Variants in PLEKHG6 observed in about 807,000 individuals in gnomAD.
PLEKHG6 encodes the protein pleckstrin homology and RhoGEF domain containing G6, also known as pleckstrin homology domain-containing family G member 6.
Under a neutral mutation model 97.5 loss-of-function variants are expected in PLEKHG6, and 91 were observed. The observed-to-expected ratio is 0.93, with a 90% CI of 0.79 to 1.11. The LOEUF is 1.11. Ranked by LOEUF, PLEKHG6 falls within the 50% of genes most tolerant of loss-of-function variation. The pLI is 0.00. For synonymous variants in PLEKHG6, 466 were observed against 425.5 expected, an observed-to-expected ratio of 1.10 and a Z score of -1.17; for missense variants, 1,044 against 1,031.0, an observed-to-expected ratio of 1.01 and a Z score of -0.17.
At chr12:6,312,654 A>C (rs905147350) in intron 2 of PLEKHG6, 1 of 1,227,602 alleles carries the variant, frequency 8.1e-7, no homozygotes, top group Non-Finnish European at 1.0e-6. Context: ...TAAGGTCATC[A>C]AACCCCAGAG....
At chr12:6,321,561 G>A (rs541318592) in intron 13 of PLEKHG6, among the ~76,000 whole-genome samples, 22 of 152,140 alleles carry the variant, frequency 1.4e-4, no homozygotes, top group African/African-American at 4.3e-4. Context: ...GGAAGAGGCC[G>A]GGCGCGGTGG....
rs1947301832 is a variant in PLEKHG6 at position 6,312,369 on chromosome 12, G to A, written c.138+5G>A. 2 of 1,575,378 alleles carry A rather than the reference G, an allele frequency of 1.3e-6. No individual in the cohort carries two copies. The highest frequency in any genetic ancestry group is 1.2e-5 in the South Asian group (1 of 84,734). ...CCCCGAGGATACCCTGTGCTGGTGA[G>A]TCCAGGCTGTGCCCCAAAAGTGACC... is the stretch of plus-strand genomic sequence containing the variant. On this transcript the variant is annotated splice_donor_5th_base_variant and intron_variant, in intron 2 of 15. Transcript: ENST00000684764.
At position 6,311,511 on chromosome 12, in the gene PLEKHG6, A is replaced by C. The variant is rs536853668; in HGVS notation, c.-68-648A>C. Among the ~76,000 whole-genome samples the C allele has an allele frequency of 2.8e-4, 43 of 152,356 alleles. No individual in the cohort carries two copies. The South Asian group carries it at 8.9e-3, about 32-fold the overall frequency. On this transcript the variant is annotated intron_variant, in intron 1 of 15. Transcript: ENST00000684764. ...CCGTCTGTCCCAACTAGCAAGAAGCAGTCACAGGTTATTAGGAGACCAGCA... is the reference window on the plus strand; with the variant it reads ...CCGTCTGTCCCAACTAGCAAGAAGCCGTCACAGGTTATTAGGAGACCAGCA...
chr12:6,328,473 A>G lies in PLEKHG6; in HGVS notation c.*328A>G, dbSNP rs4149649. The G allele has an allele frequency of 3.5e-4, 93 of 267,554 alleles. No homozygotes were observed. Among genetic ancestry groups the G allele is most frequent in the African/African-American group, 2.0e-3 (91 of 44,602 alleles). The allele number at this position is 267,554 out of a possible 1,614,324, so 16.6% of individuals were successfully genotyped here. ...AGACCAGCCTGGGCAATATAGGGAA[A>G]CCCTGTCTTTACAAAAAAAAATTTT... On this transcript the variant is annotated 3_prime_UTR_variant, in exon 16 of 16. Coordinates refer to ENST00000684764, the MANE Select transcript of PLEKHG6 (RefSeq NM_001384598.1).
At chr12:6,318,488 G>C in intron 11 of PLEKHG6, 68 bp downstream of exon 11, 1 of 1,522,930 alleles carries the variant, frequency 6.6e-7, no homozygotes, top group Non-Finnish European at 8.8e-7. Flanking sequence ...CAGAAACGCC[G>C]GAAGTGGGAG....
intron 13 of PLEKHG6, among the ~76,000 whole-genome samples, chr12:6,320,243 G>A (rs549153177): frequency 2.0e-5 from 3 of 152,216 alleles, no homozygotes; most frequent in East Asian, 3.9e-4. Context: ...TGAAGGAGTC[G>A]GGCAGGGGAG....
chr12:6,312,924 A>G (rs1947324185), intron 2 of PLEKHG6: 16 of 1,396,840 alleles, frequency 1.1e-5, no homozygotes, highest in South Asian at 7.7e-5. Flanking sequence ...CACCTTGAGG[A>G]CAGTTCTGCT....
chr12:6,326,510 A>G lies in PLEKHG6; in HGVS notation c.1607A>G (p.Glu536Gly). The change falls in exon 14 of 16, where the codon GAG becomes GGG. Residue 536 changes from glutamate (E) to glycine (G), a missense_variant. Coordinates refer to ENST00000684764, the MANE Select transcript of PLEKHG6 (RefSeq NM_001384598.1). ...ACCCTCTATCGGGACCAGGACAGGG[A>G]GTCCCCCAGCACCAGGCCCTCCACG... ...LLTLYRDQDR[E>G]SPSTRPSTPS... 1.2e-6 allele frequency: 2 copies of G among 1,602,442 alleles called. No homozygotes were observed. Among genetic ancestry groups the G allele is most frequent in the Non-Finnish European group, 1.7e-6 (2 of 1,175,634 alleles).
intron 7 of PLEKHG6, 45 bp from the exon 8 acceptor site, chr12:6,317,258 C>T (rs1398261669): frequency 1.6e-6 from 2 of 1,274,882 alleles, no homozygotes; most frequent in African/African-American, 2.9e-5. Flanking sequence ...TATTCATGGC[C>T]TTCTCCCCAT....
chr12:6,322,684 C>T (rs192437305), intron 13 of PLEKHG6, among the ~76,000 whole-genome samples: 4 of 152,280 alleles, frequency 2.6e-5, no homozygotes. Flanking sequence ...GTTCAAGACC[C>T]AGCCTGGCCA....
intron 2 of PLEKHG6, 195 bp downstream of exon 2, chr12:6,312,559 G>A: frequency 8.4e-7 from 1 of 1,191,316 alleles, no homozygotes; most frequent in Non-Finnish European, 1.1e-6. Context: ...CCCAGTCCCA[G>A]CAGCTGGGCA....
At position 6,318,322 on chromosome 12, in the gene PLEKHG6, C is replaced by T; in HGVS notation, c.1177C>T (p.Leu393=). 18 of 1,614,136 alleles carry T rather than the reference C, an allele frequency of 1.1e-5. No individual in the cohort carries two copies. The highest frequency in any genetic ancestry group is 2.2e-5 in the South Asian group (2 of 91,084). Residue 393 remains leucine (L), a synonymous_variant, in exon 11 of 16, where the codon CTG becomes TTG. Transcript: ENST00000684764. The stretch of plus-strand genomic sequence containing the variant: ...TCAGAACCTGCGCCCATTCTCCACC[C>T]TGGACCTGACGTCCCCCATGCTGGG... The part of the protein sequence containing the change: ...VEKNLRPFST[L]DLTSPMLGVA...
intron 14 of PLEKHG6, 31 bp downstream of exon 14, chr12:6,326,604 C>T (rs766282608): frequency 2.7e-5 from 38 of 1,424,826 alleles, no homozygotes; most frequent in Admixed American, 1.4e-4. Flanking sequence ...AAGGTCTCCC[C>T]GAGCAGGAGG....
Position 6,316,438 on chromosome 12 carries a change from C to T in PLEKHG6, c.756+34C>T, listed in dbSNP as rs961246353. ...TGTGAAGGGCTGTGTCTGGATGGGG[C>T]AGGACTCGGAGCCCTCGGGGGTCCT... is the stretch of plus-strand genomic sequence containing the variant. On this transcript the variant is annotated intron_variant, in intron 7 of 15. Transcript: ENST00000684764. The surrounding 1 kb of genome is among the most constrained non-coding windows in gnomAD (Gnocchi z 4.1). The T allele has an allele frequency of 1.9e-6, 3 of 1,540,254 alleles. No homozygotes were observed.
chr12:6,323,170 C>T (rs1223440703), intron 13 of PLEKHG6, among the ~76,000 whole-genome samples: 2 of 152,210 alleles, frequency 1.3e-5, no homozygotes. Flanking sequence ...GGGTATTTTA[C>T]TATGCAAAAC....
At chr12:6,322,140 C>G (rs924239038) in intron 13 of PLEKHG6, among the ~76,000 whole-genome samples, 23 of 152,138 alleles carry the variant, frequency 1.5e-4, no homozygotes, top group Admixed American at 4.6e-4. Flanking sequence ...GTTGGCCTCC[C>G]GAAGCTTCAG....
intron 13 of PLEKHG6, chr12:6,319,575 G>T (rs1292869521): frequency 3.3e-6 from 5 of 1,535,626 alleles, no homozygotes; most frequent in Non-Finnish European, 4.4e-6. Context: ...CCCCAGAGAG[G>T]GAGGCAGAGC....
chr12:6,320,721 AT>A (rs893226721), intron 13 of PLEKHG6, among the ~76,000 whole-genome samples: 13 of 152,132 alleles, frequency 8.5e-5, no homozygotes, highest in Non-Finnish European at 1.8e-4. Context: ...TAGGACTTAG[AT>A]ATATCTATCT....
At chr12:6,313,883 A>C in intron 3 of PLEKHG6, 99 bp downstream of exon 3, 1 of 1,145,314 alleles carries the variant, frequency 8.7e-7, no homozygotes, top group Non-Finnish European at 1.2e-6. Flanking sequence ...ACACAGGTCC[A>C]GGAGGCTGCT....
Sources: gnomAD v4.1 joint callset for allele counts (sites outside exome capture counted in the v4.1 genomes callset) on GRCh38, gnomAD v4.1.1 for gene constraint, Gnocchi (gnomAD v3.1) non-coding constraint, MANE v1.5 for transcripts, NCBI Gene and HGNC (gene_info 2026-07-23, HGNC 2026-07-21) for gene names.